TNFRSF11B: variants seen among roughly 807,000 people sequenced by gnomAD.
TNFRSF11B encodes tumor necrosis factor receptor superfamily member 11B.
TNFRSF11B carries 16 observed loss-of-function variants against 43.4 expected under a neutral mutation model. The ratio of observed to expected loss-of-function variants is 0.37; its 90% CI spans 0.25 to 0.56. TNFRSF11B has a LOEUF of 0.56. Ranked by LOEUF, TNFRSF11B falls within the 20% of genes least tolerant of loss-of-function variation. The pLI is 0.80. For missense variants in TNFRSF11B, 444 were observed against 490.1 expected (o/e 0.91, Z 0.89); for synonymous variants, 185 against 181.8 (o/e 1.02, Z -0.14).
In TNFRSF11B at chr8:118,924,055, G is replaced by C. The variant is rs560688163; in HGVS notation, c.*319C>G. On this transcript the variant is annotated 3_prime_UTR_variant, in exon 5 of 5. Transcript: ENST00000297350. Reference sequence around the variant, plus strand: ...TGAAATCTCAAAGCTATTTAAGTTAGACATTCCCATATTTAGTAAGGCACA... The same window carrying C: ...TGAAATCTCAAAGCTATTTAAGTTACACATTCCCATATTTAGTAAGGCACA... 4.0e-4 allele frequency: 93 copies of C among 232,420 alleles called. No homozygotes were observed. Among genetic ancestry groups the C allele is most frequent in the African/African-American group, 2.0e-3 (89 of 43,420 alleles). 14.4% of individuals were successfully genotyped at this position (232,420 alleles called of 1,614,324 possible).
intron 1 of TNFRSF11B, among the ~76,000 whole-genome samples, chr8:118,951,118 C>T (rs1812637640): frequency 6.6e-6 from 1 of 152,042 alleles, no homozygotes; most frequent in South Asian, 2.1e-4. Flanking sequence ...AATTTTTAGC[C>T]CTATTTAGTG....
In TNFRSF11B at chr8:118,933,448, G is replaced by A. The variant is rs978367990; in HGVS notation, c.31-148C>T. 4 of 1,108,608 alleles carry A rather than the reference G, an allele frequency of 3.6e-6. No homozygotes were observed. In the African/African-American group the frequency reaches 6.3e-5, roughly 17 times the overall value. The allele number at this position is 1,108,608 out of a possible 1,614,324, so 68.7% of individuals were successfully genotyped here. On this transcript the variant is annotated intron_variant, in intron 1 of 4. Transcript: ENST00000297350. ...AGTAAGCTTGGAAGCCATAATTTTT[G>A]CCTCCGGGAGCTTAATCTCAAAGAC...
chr8:118,950,731 T>C (rs1171365195), intron 1 of TNFRSF11B, among the ~76,000 whole-genome samples: 1 of 152,206 alleles, frequency 6.6e-6, no homozygotes, highest in Non-Finnish European at 1.5e-5. Context: ...AACATACTTA[T>C]GGGTAGATTC....
At chr8:118,928,502 A>G (rs1340011788) in intron 3 of TNFRSF11B, among the ~76,000 whole-genome samples, 1 of 152,218 alleles carries the variant, frequency 6.6e-6, no homozygotes, top group Non-Finnish European at 1.5e-5. Flanking sequence ...ATTTGATTTC[A>G]GTGTGAAAGG....
At chr8:118,939,594 T>G (rs1304231907) in intron 1 of TNFRSF11B, among the ~76,000 whole-genome samples, 2 of 152,114 alleles carry the variant, frequency 1.3e-5, no homozygotes, top group African/African-American at 4.8e-5. Context: ...CTCTAGCCAG[T>G]AGGTATGTGG....
At chr8:118,940,500 A>G (rs1812471987) in intron 1 of TNFRSF11B, among the ~76,000 whole-genome samples, 1 of 152,154 alleles carries the variant, frequency 6.6e-6, no homozygotes, top group Non-Finnish European at 1.5e-5. Context: ...CACCCCTACA[A>G]TAAGAATAAG....
intron 1 of TNFRSF11B, among the ~76,000 whole-genome samples, chr8:118,935,632 G>T (rs1194744251): frequency 6.6e-6 from 1 of 152,002 alleles, no homozygotes; most frequent in East Asian, 1.9e-4. Context: ...ATAATTCAGG[G>T]CTCCTATAGT....
At chr8:118,925,992 A>G (rs1812239941) in intron 4 of TNFRSF11B, among the ~76,000 whole-genome samples, 1 of 152,246 alleles carries the variant, frequency 6.6e-6, no homozygotes, top group Admixed American at 6.5e-5. Context: ...ATTAATTCTC[A>G]TAACATATGC....
At chr8:118,934,845 C>T (rs1812379692) in intron 1 of TNFRSF11B, among the ~76,000 whole-genome samples, 1 of 152,162 alleles carries the variant, frequency 6.6e-6, no homozygotes, top group African/African-American at 2.4e-5. Flanking sequence ...GCTAGGGAAA[C>T]AGCACACCCT....
chr8:118,938,307 C>A (rs577867957), intron 1 of TNFRSF11B, among the ~76,000 whole-genome samples: 2 of 152,050 alleles, frequency 1.3e-5, no homozygotes, highest in Non-Finnish European at 2.9e-5. Flanking sequence ...TTCAAGCATA[C>A]ATGTATTAAA....
Position 118,924,604 on chromosome 8 carries a change from G to A in TNFRSF11B, c.976C>T (p.Leu326=). The change falls in exon 5 of 5, where the codon CTG becomes TTG. Residue 326 remains leucine, a synonymous_variant. Coordinates refer to ENST00000297350, the MANE Select transcript of TNFRSF11B (RefSeq NM_002546.4). ...ATTCGCCACAAACTGAGCAGCTTCAGGATCTGGTCACTGGGTTTGCATGCC... is the reference window on the plus strand; with the variant it reads ...ATTCGCCACAAACTGAGCAGCTTCAAGATCTGGTCACTGGGTTTGCATGCC... The part of the protein sequence containing the change: ...IKACKPSDQI[L]KLLSLWRIKN... The A allele has an allele frequency of 1.2e-6, 2 of 1,614,124 alleles. No individual in the cohort carries two copies. Among genetic ancestry groups the A allele is most frequent in the Middle Eastern group, 1.6e-4 (1 of 6,062 alleles).
chr8:118,949,691 A>T (rs570282737), intron 1 of TNFRSF11B, among the ~76,000 whole-genome samples: 2 of 152,108 alleles, frequency 1.3e-5, no homozygotes, highest in Non-Finnish European at 2.9e-5. Flanking sequence ...CTATATACAC[A>T]ATTACTTGCC....
chr8:118,947,536 C>T (rs1275881145), intron 1 of TNFRSF11B, among the ~76,000 whole-genome samples: 1 of 152,108 alleles, frequency 6.6e-6, no homozygotes, highest in East Asian at 1.9e-4. Flanking sequence ...ACATCCTGAA[C>T]AATAAAGAAT....
intron 1 of TNFRSF11B, among the ~76,000 whole-genome samples, chr8:118,948,776 A>AAAAC (rs916352078): frequency 3.3e-5 from 4 of 120,380 alleles, no homozygotes; most frequent in Admixed American, 1.6e-4. Context: ...AAACAACAAA[A>AAAAC]AAACAAACAA....
intron 4 of TNFRSF11B, among the ~76,000 whole-genome samples, chr8:118,925,202 A>G (rs1201121656): frequency 1.3e-5 from 2 of 152,250 alleles, no homozygotes; most frequent in African/African-American, 4.8e-5. Flanking sequence ...GAATACACAT[A>G]GCACCAGAGG....
chr8:118,932,858 G>C, intron 2 of TNFRSF11B, 73 bp downstream of exon 2: 1 of 1,588,878 alleles, frequency 6.3e-7, no homozygotes, highest in Non-Finnish European at 8.6e-7. Flanking sequence ...CAGAACAAAA[G>C]TGTTCTCCTA....
chr8:118,926,728 G>T lies in TNFRSF11B; in HGVS notation c.593-10C>A, dbSNP rs567977879. 2 of 1,610,036 alleles carry T rather than the reference G, an allele frequency of 1.2e-6. No homozygotes were observed. The highest frequency in any genetic ancestry group is 1.3e-5 in the African/African-American group (1 of 74,858). ...TCACACAGGGTAACATCTAAAGAAA[G>T]GTTAGAAAACCCAGAAGATTTACTC... On this transcript the variant is annotated splice_polypyrimidine_tract_variant and intron_variant, in intron 3 of 4. Coordinates refer to ENST00000297350, the MANE Select transcript of TNFRSF11B (RefSeq NM_002546.4).
At chr8:118,943,795 G>A (rs527585469) in intron 1 of TNFRSF11B, among the ~76,000 whole-genome samples, 3 of 152,092 alleles carry the variant, frequency 2.0e-5, no homozygotes, top group South Asian at 2.1e-4. Context: ...TTCTACAAAC[G>A]AAGGGTCAAC....
At chr8:118,935,308 A>G (rs1812387137) in intron 1 of TNFRSF11B, among the ~76,000 whole-genome samples, 1 of 152,126 alleles carries the variant, frequency 6.6e-6, no homozygotes, top group South Asian at 2.1e-4. Flanking sequence ...GATGGAACCT[A>G]TTTCTTCATT....
Sources: gnomAD v4.1 joint callset for allele counts (sites outside exome capture counted in the v4.1 genomes callset) on GRCh38, gnomAD v4.1.1 for gene constraint, MANE v1.5 for transcripts, NCBI Gene and HGNC (gene_info 2026-07-23, HGNC 2026-07-21) for gene names.